The following EXTL3 variants were observed in gnomAD, a reference collection of about 807,000 sequenced individuals.
The protein encoded by EXTL3 is exostosin like glycosyltransferase 3.
A neutral mutation model predicts 69.3 loss-of-function variants in EXTL3; 27 were observed. That is an observed-to-expected ratio of 0.39 (90% CI 0.29 to 0.54). The LOEUF (loss-of-function observed/expected upper bound fraction) is 0.54, where lower values mean the gene tolerates loss of function less well. EXTL3 is among the 20% of genes least tolerant of loss of function. EXTL3 has a pLI of 0.69. For synonymous variants in EXTL3, 511 were observed against 499.4 expected, an observed-to-expected ratio of 1.02 and a Z score of -0.31; for missense variants, 1,003 against 1,231.8, an observed-to-expected ratio of 0.81 and a Z score of 2.78.
Position 28,750,957 on chromosome 8 carries a change from C to A in EXTL3, c.*91C>A. ...CATTGCAGGACCTTGGGCACATCTG[C>A]TGGTGGGTGGCCCAGAGCCTCTGCT... On this transcript the variant is annotated 3_prime_UTR_variant, in exon 7 of 7. Coordinates refer to ENST00000220562, the MANE Select transcript of EXTL3 (RefSeq NM_001440.4). The surrounding 1 kb of genome is among the most constrained non-coding windows in gnomAD (Gnocchi z 5.2). 2 of 1,150,954 alleles carry A rather than the reference C, an allele frequency of 1.7e-6. No homozygotes were observed. Among genetic ancestry groups the A allele is most frequent in the Non-Finnish European group, 2.6e-6 (2 of 781,090 alleles). 71.3% of individuals were successfully genotyped at this position (1,150,954 alleles called of 1,614,324 possible).
At chr8:28,700,481 A>G (rs1023219922), upstream of EXTL3, 4 of 152,068 alleles carry the variant, frequency 2.6e-5, no homozygotes, top group African/African-American at 7.3e-5. Context: ...GCTCCAGCAG[A>G]AAGGGCGAGT....
chr8:28,632,631 A>G (rs1238012111), intron 1 of EXTL3, among the ~76,000 whole-genome samples: 1 of 139,890 alleles, frequency 7.1e-6, no homozygotes, highest in Non-Finnish European at 1.5e-5. Context: ...TCGGCTCACC[A>G]CAACCTCTGT....
At chr8:28,610,459 C>T (rs1806256962) in intron 2 of EXTL3, among the ~76,000 whole-genome samples, 1 of 152,116 alleles carries the variant, frequency 6.6e-6, no homozygotes, top group South Asian at 2.1e-4. Flanking sequence ...GGCAAATACA[C>T]TACCTGTGGT....
rs761596532 is a variant in EXTL3 at position 28,713,525 on chromosome 8, A to T, written c.-501A>T. Reference sequence around the variant, plus strand: ...TGAGGTGTAATGCTACACAAGTCAGAGGAAGGAAGGGTCCTGAAACACATG... The same window carrying T: ...TGAGGTGTAATGCTACACAAGTCAGTGGAAGGAAGGGTCCTGAAACACATG... On this transcript the variant is annotated 5_prime_UTR_variant, in exon 2 of 7. Transcript: ENST00000220562. The T allele has an allele frequency of 8.5e-6, 6 of 702,282 alleles. No individual in the cohort carries two copies. The highest frequency in any genetic ancestry group is 1.6e-5 in the Non-Finnish European group (6 of 384,940). The allele number at this position is 702,282 out of a possible 1,614,324, so 43.5% of individuals were successfully genotyped here. A position where few individuals can be genotyped will look rare whatever the true frequency, so the allele number is the denominator to read the frequency against.
rs186689452 is a variant in EXTL3, at chr8:28,628,402, G to T, written c.-53+5592G>T. ...ATGGTTAAGATAGCTGGGCAGGGTG[G>T]CTCACGCCTGTAATCCCAGTGACTC... On this transcript the variant is annotated intron_variant, in intron 1 of 6. Transcript: ENST00000523149. 5.9e-5 allele frequency among the ~76,000 whole-genome samples: 9 copies of T among 152,190 alleles called. No individual in the cohort carries two copies. The East Asian group carries it at 1.7e-3, about 29-fold the overall frequency.
rs776454153 is a variant in EXTL3 at position 28,656,602 on chromosome 8, AG to A, written c.-53+33794del. On this transcript the variant is annotated intron_variant, in intron 1 of 6. Transcript: ENST00000523149. ...TAGGGCTGTTCCCAACCTTGGGATT[AG>A]GAAAGGTTTTGGGATAAATACCTTG... Among the ~76,000 whole-genome samples, 20 of 152,310 alleles carry A rather than the reference AG, an allele frequency of 1.3e-4. No homozygotes were observed. The East Asian group carries it at 3.1e-3, about 23-fold the overall frequency.
At chr8:28,646,804 A>G (rs954030494) in intron 1 of EXTL3, among the ~76,000 whole-genome samples, 1 of 152,242 alleles carries the variant, frequency 6.6e-6, no homozygotes, top group African/African-American at 2.4e-5. Flanking sequence ...TAAAATGAAT[A>G]GTATGAATAC....
intron 1 of EXTL3, among the ~76,000 whole-genome samples, chr8:28,647,586 G>A (rs1034162259): frequency 2.6e-5 from 4 of 152,120 alleles, no homozygotes; most frequent in African/African-American, 9.7e-5. Flanking sequence ...AACCCAGGCT[G>A]TCTGTCTCTA....
intron 1 of EXTL3, among the ~76,000 whole-genome samples, chr8:28,626,950 AG>A (rs1374217089): frequency 6.6e-6 from 1 of 152,164 alleles, no homozygotes; most frequent in East Asian, 1.9e-4. Flanking sequence ...TGGGAGGCCG[AG>A]GCAGGCAGAT....
intron 1 of EXTL3, among the ~76,000 whole-genome samples, chr8:28,639,758 G>A (rs1382187376): frequency 6.6e-6 from 1 of 152,202 alleles, no homozygotes; most frequent in Non-Finnish European, 1.5e-5. Context: ...CTTCCTGTTA[G>A]AACATTCTAC....
chr8:28,732,050 C>G (rs1050111112), intron 4 of EXTL3, among the ~76,000 whole-genome samples: 24 of 152,092 alleles, frequency 1.6e-4, no homozygotes. Flanking sequence ...AGAACAGAAC[C>G]ACGTAGAAGC....
chr8:28,743,463 AT>A (rs1329583736), intron 6 of EXTL3, among the ~76,000 whole-genome samples: 4 of 152,284 alleles, frequency 2.6e-5, no homozygotes, highest in Admixed American at 2.6e-4. Flanking sequence ...TTGCATCATT[AT>A]TTTTATTAAT....
intron 1 of EXTL3, among the ~76,000 whole-genome samples, chr8:28,651,812 A>G (rs1806924731): frequency 2.6e-5 from 4 of 152,214 alleles, no homozygotes. Context: ...TCTTCCCATT[A>G]ACCAAGGTTA....
In EXTL3 at chr8:28,754,979, A is replaced by G. The variant is rs1802088225; in HGVS notation, c.*4113A>G. On this transcript the variant is annotated 3_prime_UTR_variant, in exon 7 of 7. Coordinates refer to ENST00000220562, the MANE Select transcript of EXTL3 (RefSeq NM_001440.4). ...GGTAAAGGTCTGGGCCCTGGAACAG[A>G]CTGGGTGCAGATCTTGGGCTGCCCA... The G allele has an allele frequency of 6.6e-6, 1 of 152,246 alleles. No homozygotes were observed. Among genetic ancestry groups the G allele is most frequent in the Non-Finnish European group, 1.5e-5 (1 of 68,046 alleles). The allele number at this position is 152,246 out of a possible 1,614,324, so 9.4% of individuals were successfully genotyped here.
chr8:28,743,730 C>T (rs1430322399), intron 6 of EXTL3, among the ~76,000 whole-genome samples: 3 of 152,166 alleles, frequency 2.0e-5, no homozygotes, highest in Non-Finnish European at 4.4e-5. Context: ...TACTGTAACT[C>T]GTTTCCTTTG....
At chr8:28,676,080 G>C (rs1807378172) in intron 1 of EXTL3, among the ~76,000 whole-genome samples, 1 of 151,838 alleles carries the variant, frequency 6.6e-6, no homozygotes, top group Non-Finnish European at 1.5e-5. Flanking sequence ...TTGGTTGGCT[G>C]GCTGAAACAT....
chr8:28,716,049 G>T lies in EXTL3; in HGVS notation c.-11G>T. On this transcript the variant is annotated 5_prime_UTR_variant, in exon 3 of 7. Transcript: ENST00000220562. This position sits in a 1 kb window ranked among gnomAD's most constrained non-coding sequence, Gnocchi z 7.1. ...CCCGACGTGATCTGGGGGGCAGGCT[G>T]CAGAGGACTCATGACAGGCTATACC... The T allele has an allele frequency of 1.3e-6, 2 of 1,594,448 alleles. No individual in the cohort carries two copies. The highest frequency in any genetic ancestry group is 2.2e-5 in the South Asian group (2 of 90,706).
intron 1 of EXTL3, among the ~76,000 whole-genome samples, chr8:28,642,577 C>T (rs1199725001): frequency 6.6e-6 from 1 of 151,878 alleles, no homozygotes; most frequent in Non-Finnish European, 1.5e-5. Context: ...CTGATTGTGC[C>T]AGTGTACTCC....
intron 2 of EXTL3, among the ~76,000 whole-genome samples, chr8:28,608,036 G>T (rs1806221330): frequency 6.6e-6 from 1 of 151,696 alleles, no homozygotes; most frequent in African/African-American, 2.4e-5. Context: ...TGTGAACCCG[G>T]GAGGCAGAGC....
Sources: allele counts gnomAD v4.1 joint callset (sites outside exome capture counted in the v4.1 genomes callset), GRCh38; gene constraint gnomAD v4.1.1; non-coding constraint Gnocchi (gnomAD v3.1); transcripts MANE v1.5; gene names NCBI Gene and HGNC (gene_info 2026-07-23, HGNC 2026-07-21).